JMJD1C: variants seen among roughly 807,000 people sequenced by gnomAD.
The protein encoded by JMJD1C is jumonji domain containing 1C.
A neutral mutation model predicts 245.3 loss-of-function variants in JMJD1C; 31 were observed. The observed-to-expected ratio is 0.13, with a 90% CI of 0.09 to 0.17. The LOEUF (loss-of-function observed/expected upper bound fraction) is 0.17. Among genes scored for constraint, JMJD1C ranks in the 10% least tolerant of loss-of-function variants. The pLI, the probability that JMJD1C is intolerant of heterozygous loss-of-function variation, is 1.00. For missense variants in JMJD1C, 2,691 were observed against 3,000.2 expected (o/e 0.90, Z 2.41); for synonymous variants, 1,057 against 1,017.4 (o/e 1.04, Z -0.74).
rs371310737 is a variant in JMJD1C, at chr10:63,186,433, TTTTG to T, written c.6571-54_6571-51del. The stretch of plus-strand genomic sequence containing the variant: ...AGTTAAAAGATATATAGACTTTCTT[TTTTG>T]TTTGTTTGTTTGTTTGTTTGAGACA... On this transcript the variant is annotated intron_variant, in intron 18 of 25. Transcript: ENST00000399262. 605 of 1,430,578 alleles carry T rather than the reference TTTTG, an allele frequency of 4.2e-4. 1 individual carries two copies. Among genetic ancestry groups the T allele is most frequent in the African/African-American group, 1.4e-3 (95 of 68,592 alleles). The allele number at this position is 1,430,578 out of a possible 1,614,324, so 88.6% of individuals were successfully genotyped here.
intron 1 of JMJD1C, among the ~76,000 whole-genome samples, chr10:63,457,880 CAT>C (rs1159135230): frequency 6.6e-6 from 1 of 152,170 alleles, no homozygotes; most frequent in South Asian, 2.1e-4. Context: ...CAGCAGTATG[CAT>C]AGTTTTGTTT....
chr10:63,383,100 A>G (rs1947339747), intron 1 of JMJD1C, among the ~76,000 whole-genome samples: 1 of 152,136 alleles, frequency 6.6e-6, no homozygotes, highest in East Asian at 1.9e-4. Flanking sequence ...TTTAATTAAC[A>G]TTAAAAATCT....
chr10:63,290,603 C>T (rs892149074), intron 2 of JMJD1C, among the ~76,000 whole-genome samples: 1 of 151,916 alleles, frequency 6.6e-6, no homozygotes, highest in East Asian at 1.9e-4. Context: ...GCTTCTGAAG[C>T]GATAATATAG....
intron 2 of JMJD1C, among the ~76,000 whole-genome samples, chr10:63,291,909 G>T (rs1246369042): frequency 1.3e-5 from 2 of 152,002 alleles, no homozygotes; most frequent in Non-Finnish European, 2.9e-5. Flanking sequence ...AATAAACTAT[G>T]TATAGACATG....
chr10:63,443,080 G>A (rs1192563032), intron 1 of JMJD1C, among the ~76,000 whole-genome samples: 1 of 152,128 alleles, frequency 6.6e-6, no homozygotes, highest in Non-Finnish European at 1.5e-5. Context: ...GGGCTCCCAG[G>A]CCCCCTCCTC....
intron 1 of JMJD1C, among the ~76,000 whole-genome samples, chr10:63,387,629 A>AAATT (rs1554915199): frequency 6.3e-4 from 24 of 37,868 alleles, no homozygotes; most frequent in East Asian, 5.9e-3. Flanking sequence ...GAAAAAAAAA[A>AAATT]TTTTTTTTTT....
chr10:63,329,940 C>T (rs1333616126), intron 2 of JMJD1C, among the ~76,000 whole-genome samples: 2 of 152,302 alleles, frequency 1.3e-5, no homozygotes, highest in Middle Eastern at 3.4e-3. Flanking sequence ...CTCGCTCTGT[C>T]GCCCAGGCTG....
intron 1 of JMJD1C, among the ~76,000 whole-genome samples, chr10:63,417,537 C>CA (rs1352192274): frequency 6.6e-6 from 1 of 152,028 alleles, no homozygotes; most frequent in East Asian, 1.9e-4. Flanking sequence ...AATTAGTGGG[C>CA]AAAATCTGAA....
chr10:63,223,634 C>G (rs1239918009), intron 3 of JMJD1C, among the ~76,000 whole-genome samples: 3 of 152,154 alleles, frequency 2.0e-5, no homozygotes, highest in Non-Finnish European at 4.4e-5. Flanking sequence ...TTATTTATAT[C>G]TTATTTATTC....
chr10:63,350,285 G>A (rs982902002), intron 2 of JMJD1C, among the ~76,000 whole-genome samples: 4 of 151,764 alleles, frequency 2.6e-5, no homozygotes, highest in African/African-American at 9.7e-5. Context: ...CATACTAAAG[G>A]GTTTATGTTT....
chr10:63,185,868 T>G lies in JMJD1C; in HGVS notation c.6740-215A>C, dbSNP rs185526726. Among the ~76,000 whole-genome samples, 21 of 152,360 alleles carry G rather than the reference T, an allele frequency of 1.4e-4. No individual in the cohort carries two copies. In the East Asian group the frequency reaches 4.0e-3, roughly 29 times the overall value. On this transcript the variant is annotated intron_variant, in intron 19 of 25. Coordinates refer to ENST00000399262, the MANE Select transcript of JMJD1C (RefSeq NM_032776.3). ...TAGAATTCATTAAATTACCCACTTG[T>G]AATATCTCAAAAGTTGTTTTTAAAA...
intron 17 of JMJD1C, among the ~76,000 whole-genome samples, chr10:63,190,424 G>A (rs1051693725): frequency 7.9e-5 from 12 of 152,178 alleles, no homozygotes; most frequent in African/African-American, 2.9e-4. Context: ...GGCTGGTCTT[G>A]AACTCCTGAC....
chr10:63,206,778 A>G lies in JMJD1C; in HGVS notation c.4891T>C (p.Ser1631Pro). The G allele has an allele frequency of 1.9e-6, 3 of 1,609,170 alleles. No individual in the cohort carries two copies. Among genetic ancestry groups the G allele is most frequent in the Non-Finnish European group, 1.7e-6 (2 of 1,178,856 alleles). ...TCTGACTTGCTTTCACTTTCATCTGAGTCTCCACTTTCAGAGCCAGATTCA... is the reference window on the plus strand; with the variant it reads ...TCTGACTTGCTTTCACTTTCATCTGGGTCTCCACTTTCAGAGCCAGATTCA... ...TYESGSESGD[S>P]DESESKSEQR... The change falls in exon 10 of 26, where the codon TCA becomes CCA. Residue 1631 changes from serine to proline, a missense_variant. Transcript: ENST00000399262.
rs760271481 is a variant in JMJD1C at position 63,208,179 on chromosome 10, G to C, written c.3490C>G (p.Pro1164Ala). The change falls in exon 10 of 26, where the codon CCA becomes GCA. Residue 1164 changes from proline to alanine, a missense_variant. Physicochemically the swap from Pro to Ala is conservative, Grantham distance 27. Coordinates refer to ENST00000399262, the MANE Select transcript of JMJD1C (RefSeq NM_032776.3). ...GCAATCTGATGTGGAAGATGTTCTGGTATCTTGCCTACTAAACCTTCACTT... is the reference window on the plus strand; with the variant it reads ...GCAATCTGATGTGGAAGATGTTCTGCTATCTTGCCTACTAAACCTTCACTT... ...PESEGLVGKI[P>A]EHLPHQIASH... 2.5e-6 allele frequency: 4 copies of C among 1,613,720 alleles called. No homozygotes were observed. The highest frequency in any genetic ancestry group is 3.4e-6 in the Non-Finnish European group (4 of 1,179,970).
At chr10:63,264,807 G>T in intron 2 of JMJD1C, 43 bp from the exon 3 acceptor site, 1 of 893,376 alleles carries the variant, frequency 1.1e-6, no homozygotes, top group Non-Finnish European at 1.8e-6. Flanking sequence ...TTTCTGGGTA[G>T]TATCCTGAAA....
At chr10:63,205,749 G>A (rs990090798) in intron 10 of JMJD1C, among the ~76,000 whole-genome samples, 7 of 152,140 alleles carry the variant, frequency 4.6e-5, no homozygotes, top group Non-Finnish European at 1.0e-4. Flanking sequence ...TTACGTATCT[G>A]AACAAAGAAA....
chr10:63,301,214 C>T (rs1185969415), intron 2 of JMJD1C, among the ~76,000 whole-genome samples: 1 of 152,102 alleles, frequency 6.6e-6, no homozygotes, highest in Non-Finnish European at 1.5e-5. Context: ...GGGGTTTTGC[C>T]ATATCGTCCA....
At position 63,217,222 on chromosome 10, in the gene JMJD1C, G is replaced by A. The variant is rs144745368; in HGVS notation, c.663C>T (p.Ile221=). 35 of 1,609,436 alleles carry A rather than the reference G, an allele frequency of 2.2e-5. No individual in the cohort carries two copies. The highest frequency in any genetic ancestry group is 9.4e-5 in the African/African-American group (7 of 74,822). ...THHDLFTRTM[I]VMNDQVLEPQ... ...AACTATTTACCTGATCATTCATAAC[G>A]ATCATGGTGCGGGTGAAGAGATCAT... Residue 221 remains isoleucine, a synonymous_variant, in exon 5 of 26, where the codon ATC becomes ATT. Coordinates refer to ENST00000399262, the MANE Select transcript of JMJD1C (RefSeq NM_032776.3).
chr10:63,409,054 T>C (rs1255044284), intron 1 of JMJD1C, among the ~76,000 whole-genome samples: 1 of 152,320 alleles, frequency 6.6e-6, no homozygotes, highest in South Asian at 2.1e-4. Flanking sequence ...ATATACTAAG[T>C]AGCTAACCAA....
Sources: gnomAD v4.1 joint callset for allele counts (sites outside exome capture counted in the v4.1 genomes callset) on GRCh38, gnomAD v4.1.1 for gene constraint, MANE v1.5 for transcripts, NCBI Gene and HGNC (gene_info 2026-07-23, HGNC 2026-07-21) for gene names.